Variants in RERE observed in about 807,000 individuals in gnomAD.
RERE encodes arginine-glutamic acid dipeptide repeats, also known as arginine-glutamic acid dipeptide repeats protein.
Under a neutral mutation model 146.1 loss-of-function variants are expected in RERE, and 40 were observed. That is an observed-to-expected ratio of 0.27 (90% CI 0.21 to 0.36). The LOEUF (loss-of-function observed/expected upper bound fraction) is 0.36, where lower values mean the gene tolerates loss of function less well. Ranked by LOEUF, RERE falls within the 10% of genes least tolerant of loss-of-function variation. RERE has a pLI of 1.00. For synonymous variants in RERE, 1,003 were observed against 866.0 expected, an observed-to-expected ratio of 1.16 and a Z score of -2.78; for missense variants, 1,933 against 2,138.7, an observed-to-expected ratio of 0.90 and a Z score of 1.90.
intron 2 of RERE, among the ~76,000 whole-genome samples, chr1:8,638,756 C>A (rs1647133523): frequency 6.7e-6 from 1 of 148,492 alleles, no homozygotes; most frequent in African/African-American, 2.5e-5. Flanking sequence ...AGGGAAAATG[C>A]AGAAGGAAAC....
At chr1:8,616,777 T>C (rs987366629) in intron 3 of RERE, among the ~76,000 whole-genome samples, 3 of 152,196 alleles carry the variant, frequency 2.0e-5, no homozygotes, top group African/African-American at 7.2e-5. Context: ...AAATCCCAAG[T>C]GCCCAACCCT....
intron 2 of RERE, among the ~76,000 whole-genome samples, chr1:8,639,700 T>C (rs1647151005): frequency 6.6e-6 from 1 of 152,234 alleles, no homozygotes; most frequent in Admixed American, 6.5e-5. Flanking sequence ...TCAGTTAAAC[T>C]GTTCCTAAGG....
intron 11 of RERE, among the ~76,000 whole-genome samples, chr1:8,454,827 C>CAA (rs377452423): frequency 6.6e-4 from 98 of 149,018 alleles, no homozygotes; most frequent in African/African-American, 2.0e-3. Context: ...AAACAAACAA[C>CAA]AAAAAAAAAC....
At chr1:8,719,016 T>C (rs531702999) in intron 1 of RERE, among the ~76,000 whole-genome samples, 53 of 152,124 alleles carry the variant, frequency 3.5e-4, no homozygotes, top group Non-Finnish European at 6.5e-4. Context: ...ACAGTGAGGG[T>C]GGTAATTCAT....
intron 7 of RERE, among the ~76,000 whole-genome samples, chr1:8,526,418 A>G (rs1040922555): frequency 1.3e-5 from 2 of 152,154 alleles, no homozygotes; most frequent in African/African-American, 4.8e-5. Context: ...CAACACATTT[A>G]AAAACATAGT....
At chr1:8,589,775 A>G (rs1646469900) in intron 4 of RERE, among the ~76,000 whole-genome samples, 1 of 152,216 alleles carries the variant, frequency 6.6e-6, no homozygotes, top group Non-Finnish European at 1.5e-5. Context: ...CTTGAGCCCA[A>G]GCTGAGGGCT....
chr1:8,652,363 A>T (rs180740818), intron 2 of RERE, among the ~76,000 whole-genome samples: 1 of 152,352 alleles, frequency 6.6e-6, no homozygotes, highest in Non-Finnish European at 1.5e-5. Context: ...AAACACTACC[A>T]GCCTCCACAA....
intron 8 of RERE, among the ~76,000 whole-genome samples, chr1:8,497,953 T>C (rs907969401): frequency 6.6e-6 from 1 of 152,254 alleles, no homozygotes; most frequent in South Asian, 2.1e-4. Flanking sequence ...TAAGGATATT[T>C]GCTAAAAAAT....
intron 7 of RERE, among the ~76,000 whole-genome samples, chr1:8,521,331 G>A (rs952691873): frequency 2.0e-5 from 3 of 152,104 alleles, no homozygotes; most frequent in Non-Finnish European, 4.4e-5. Context: ...TGTCTTAGTT[G>A]AACAGGCTAT....
intron 1 of RERE, among the ~76,000 whole-genome samples, chr1:8,801,371 G>A (rs112921305): frequency 2.8e-4 from 43 of 152,070 alleles, no homozygotes; most frequent in African/African-American, 9.9e-4. Context: ...CCAGATTCAA[G>A]TGATTCTCCT....
At chr1:8,806,303 G>A (rs1382797332) in intron 1 of RERE, among the ~76,000 whole-genome samples, 5 of 152,084 alleles carry the variant, frequency 3.3e-5, no homozygotes, top group African/African-American at 9.7e-5. Context: ...AGGCAGAGGT[G>A]GGCAGATCAC....
At chr1:8,408,695 A>C (rs957026547) in intron 12 of RERE, among the ~76,000 whole-genome samples, 2 of 152,202 alleles carry the variant, frequency 1.3e-5, no homozygotes, top group African/African-American at 4.8e-5. Context: ...CCTCCACATT[A>C]AACAACAGGG....
chr1:8,440,588 T>TA (rs61101850), intron 11 of RERE, among the ~76,000 whole-genome samples: 3,453 of 71,460 alleles, frequency 0.048, 145 homozygotes, highest in African/African-American at 0.15. Context: ...AGACTCCACC[T>TA]AAAAAAAAAA....
chr1:8,702,127 A>C (rs1639465897), intron 1 of RERE, among the ~76,000 whole-genome samples: 1 of 152,014 alleles, frequency 6.6e-6, no homozygotes, highest in South Asian at 2.1e-4. Flanking sequence ...AATTGTGAGG[A>C]CTTTGTTAAA....
intron 12 of RERE, among the ~76,000 whole-genome samples, chr1:8,373,546 T>G (rs1642124259): frequency 6.6e-6 from 1 of 152,110 alleles, no homozygotes; most frequent in South Asian, 2.1e-4. Context: ...AAGCATGGTG[T>G]AGAGCTGCTT....
intron 12 of RERE, among the ~76,000 whole-genome samples, chr1:8,394,973 TTGAG>T (rs147602220): frequency 0.021 from 3,137 of 152,190 alleles, 119 homozygotes; most frequent in African/African-American, 0.073. Flanking sequence ...TGTTGAGTGG[TTGAG>T]TGAGTAAATA....
At chr1:8,509,928 T>C (rs555902445) in intron 7 of RERE, among the ~76,000 whole-genome samples, 22 of 152,378 alleles carry the variant, frequency 1.4e-4, no homozygotes, top group African/African-American at 5.3e-4. Flanking sequence ...TGGAAAGCTA[T>C]CGTTTCCTTT....
Position 8,364,721 on chromosome 1 carries a change from C to T in RERE, c.1540+25G>A. 1 of 1,580,542 alleles carries T rather than the reference C, an allele frequency of 6.3e-7. No homozygotes were observed. The highest frequency in any genetic ancestry group is 1.1e-5 in the South Asian group (1 of 90,386). On this transcript the variant is annotated intron_variant, in intron 14 of 22. Coordinates refer to ENST00000400908, the MANE Select transcript of RERE (RefSeq NM_001042681.2). The surrounding 1 kb of genome is among the most constrained non-coding windows in gnomAD (Gnocchi z 5.1). ...GAAGTGCTTGTGCCCCCGCCCCGCCCCAGGAGCGTGACGAGGCCACTTACT... is the reference window on the plus strand; with the variant it reads ...GAAGTGCTTGTGCCCCCGCCCCGCCTCAGGAGCGTGACGAGGCCACTTACT...
intron 11 of RERE, among the ~76,000 whole-genome samples, chr1:8,435,261 C>T (rs1273655870): frequency 6.6e-6 from 1 of 152,222 alleles, no homozygotes; most frequent in East Asian, 1.9e-4. Flanking sequence ...ACGATATAGG[C>T]TACGTTACTG....
Sources: allele counts gnomAD v4.1 joint callset (sites outside exome capture counted in the v4.1 genomes callset), GRCh38; gene constraint gnomAD v4.1.1; non-coding constraint Gnocchi (gnomAD v3.1); transcripts MANE v1.5; gene names NCBI Gene and HGNC (gene_info 2026-07-23, HGNC 2026-07-21).